HOXA3: variants seen among roughly 807,000 people sequenced by gnomAD.
HOXA3 encodes homeobox A3.
HOXA3 carries 8 observed loss-of-function variants against 30.3 expected under a neutral mutation model. The observed-to-expected ratio is 0.26, with a 90% CI of 0.15 to 0.48. The LOEUF is 0.48. Among genes scored for constraint, HOXA3 ranks in the 20% least tolerant of loss-of-function variants. The pLI is 0.99. For missense variants in HOXA3, 653 were observed against 614.4 expected, an observed-to-expected ratio of 1.06 and a Z score of -0.66; for synonymous variants, 323 against 273.1, an observed-to-expected ratio of 1.18 and a Z score of -1.80.
intron 4 of HOXA3, among the ~76,000 whole-genome samples, chr7:27,118,703 C>T (rs1784858512): frequency 6.6e-6 from 1 of 152,228 alleles, no homozygotes; most frequent in South Asian, 2.1e-4. Context: ...CAGCCTCCCA[C>T]CCACGGACAA....
At chr7:27,126,666 C>T (rs944081616) in intron 3 of HOXA3, among the ~76,000 whole-genome samples, 1 of 152,134 alleles carries the variant, frequency 6.6e-6, no homozygotes, top group African/African-American at 2.4e-5. Context: ...GTAAAACTCA[C>T]CAATACCTTA....
At chr7:27,117,929 C>T in intron 4 of HOXA3, among the ~76,000 whole-genome samples, 1 of 152,146 alleles carries the variant, frequency 6.6e-6, no homozygotes, top group East Asian at 1.9e-4. Flanking sequence ...ACCTAGGAGC[C>T]CCCCTAGTGC....
At chr7:27,144,940 G>A (rs1368483177) in intron 1 of HOXA3, among the ~76,000 whole-genome samples, 1 of 152,188 alleles carries the variant, frequency 6.6e-6, no homozygotes, top group Non-Finnish European at 1.5e-5. Context: ...TCGGAGGCTG[G>A]GAGCGGGAAT....
At chr7:27,135,215 G>A (rs1017030439) in intron 2 of HOXA3, among the ~76,000 whole-genome samples, 4 of 150,858 alleles carry the variant, frequency 2.7e-5, no homozygotes, top group African/African-American at 9.8e-5. Flanking sequence ...TCATTAAAAA[G>A]TACATTCTGA....
chr7:27,152,109 T>TGC (rs1782992288), intron 1 of HOXA3, among the ~76,000 whole-genome samples, 179 bp downstream of exon 1: 3 of 138,798 alleles, frequency 2.2e-5, no homozygotes, highest in Admixed American at 1.5e-4. Context: ...CGCGCGTGTG[T>TGC]GCCTGTGTGT....
intron 2 of HOXA3, among the ~76,000 whole-genome samples, chr7:27,139,043 G>T (rs186447906): frequency 6.6e-6 from 1 of 152,074 alleles, no homozygotes; most frequent in Non-Finnish European, 1.5e-5. Flanking sequence ...TTATCCAGGG[G>T]GCCGCCTAAG....
At chr7:27,126,765 A>G (rs895461395) in intron 3 of HOXA3, 121 bp downstream of exon 3, 2 of 152,194 alleles carry the variant, frequency 1.3e-5, no homozygotes, top group African/African-American at 4.8e-5. Flanking sequence ...TTCTGGATGG[A>G]CTTATAAGTG....
intron 1 of HOXA3, chr7:27,142,648 T>G: frequency 4.6e-6 from 1 of 215,954 alleles, no homozygotes; most frequent in Non-Finnish European, 9.0e-6. Flanking sequence ...TTAGTAACGC[T>G]GTTTCCCCAG....
chr7:27,142,800 T>C (rs908327761), intron 1 of HOXA3: 1 of 452,710 alleles, frequency 2.2e-6, no homozygotes, highest in South Asian at 5.4e-5. Context: ...GGTTTTTTGC[T>C]TCCTCCCCCT....
At chr7:27,144,491 G>A (rs1782684664) in intron 1 of HOXA3, among the ~76,000 whole-genome samples, 1 of 152,272 alleles carries the variant, frequency 6.6e-6, no homozygotes, top group East Asian at 1.9e-4. Context: ...ATTAGTTTGC[G>A]ATTTGATTTG....
intron 1 of HOXA3, chr7:27,141,832 T>C (rs746464061): frequency 5.0e-6 from 8 of 1,613,656 alleles, no homozygotes; most frequent in Non-Finnish European, 6.8e-6. Context: ...AACGCTCAGA[T>C]ACTCAGGGAC....
chr7:27,113,857 C>A lies in HOXA3; in HGVS notation c.-120-3097G>T, dbSNP rs1784520435. 6.6e-6 allele frequency: 1 copy of A among 151,310 alleles called. No individual in the cohort carries two copies. The highest frequency in any genetic ancestry group is 1.5e-5 in the Non-Finnish European group (1 of 67,478). The allele number at this position is 151,310 out of a possible 1,614,324, so 9.4% of individuals were successfully genotyped here. Reference sequence around the variant, plus strand: ...CAGGGCCGACTGGGGCGGCTTGGACCCCCCTCCCACCCACCCCACCCACCC... The same window carrying A: ...CAGGGCCGACTGGGGCGGCTTGGACACCCCTCCCACCCACCCCACCCACCC... On this transcript the variant is annotated intron_variant, in intron 4 of 5. Transcript: ENST00000612286. The surrounding 1 kb of genome is among the most constrained non-coding windows in gnomAD (Gnocchi z 4.8).
chr7:27,112,915 T>C (rs1784458301), intron 4 of HOXA3, among the ~76,000 whole-genome samples: 1 of 152,236 alleles, frequency 6.6e-6, no homozygotes, highest in South Asian at 2.1e-4. Context: ...AAAATATCTT[T>C]GAAAATCAAA....
intron 3 of HOXA3, among the ~76,000 whole-genome samples, chr7:27,125,189 G>A (rs1785229185): frequency 1.3e-5 from 2 of 152,246 alleles, no homozygotes; most frequent in Admixed American, 6.5e-5. Flanking sequence ...TCTAGAGTGA[G>A]ACTAAAGGTT....
chr7:27,148,928 G>C (rs1309467370), intron 1 of HOXA3, among the ~76,000 whole-genome samples: 1 of 152,250 alleles, frequency 6.6e-6, no homozygotes, highest in Non-Finnish European at 1.5e-5. Flanking sequence ...CTCGGTTTCC[G>C]GGGCGCCCGA....
At chr7:27,125,040 C>T (rs1180855751) in intron 3 of HOXA3, among the ~76,000 whole-genome samples, 1 of 152,184 alleles carries the variant, frequency 6.6e-6, no homozygotes, top group Non-Finnish European at 1.5e-5. Context: ...GCTTTGATGG[C>T]CCATGAGGCA....
Position 27,108,289 on chromosome 7 carries a change from C to G in HOXA3, c.958G>C (p.Ala320Pro). The G allele has an allele frequency of 6.6e-7, 1 of 1,516,562 alleles. No individual in the cohort carries two copies. Among genetic ancestry groups the G allele is most frequent in the Admixed American group, 2.1e-5 (1 of 46,572 alleles). The allele number at this position is 1,516,562 out of a possible 1,614,324, so 93.9% of individuals were successfully genotyped here. ...CGCTTCTGTGGGGGTGGCGGGGGTGCGCAGCTGGGCAGGGACGCAGGGTAG... is the reference window on the plus strand; with the variant it reads ...CGCTTCTGTGGGGGTGGCGGGGGTGGGCAGCTGGGCAGGGACGCAGGGTAG... ...ASYPASLPSC[A>P]PPPPPQKRYT... Residue 320 changes from alanine (A) to proline (P), a missense_variant, in exon 6 of 6, where the codon GCA becomes CCA. By Grantham distance (27) the Ala-to-Pro change is conservative (BLOSUM62 -1). Coordinates refer to ENST00000612286, the MANE Select transcript of HOXA3 (RefSeq NM_153631.3). The surrounding 1 kb of genome is among the most constrained non-coding windows in gnomAD (Gnocchi z 5.0).
At chr7:27,133,728 T>G (rs1488513035) in intron 2 of HOXA3, among the ~76,000 whole-genome samples, 2 of 152,218 alleles carry the variant, frequency 1.3e-5, no homozygotes, top group Admixed American at 1.3e-4. Context: ...TGAATCATTT[T>G]GAATATATTT....
At position 27,111,485 on chromosome 7, in the gene HOXA3, C is replaced by CGTGTGTGTGTGTGTGTGTGTGT. The variant is rs61655486; in HGVS notation, c.-120-747_-120-726dup. Among the ~76,000 whole-genome samples, 393 of 148,888 alleles carry CGTGTGTGTGTGTGTGTGTGTGT rather than the reference C, an allele frequency of 2.6e-3. 2 individuals are homozygous for CGTGTGTGTGTGTGTGTGTGTGT. Among genetic ancestry groups the CGTGTGTGTGTGTGTGTGTGTGT allele is most frequent in the African/African-American group, 8.2e-3 (328 of 39,842 alleles). Reference sequence around the variant, plus strand: ...GGAAAACTTTGTGTGGAACACATTGCGTGTGTGTGTGTGTGTGTGTGTGTG... The same window carrying CGTGTGTGTGTGTGTGTGTGTGT: ...GGAAAACTTTGTGTGGAACACATTGCGTGTGTGTGTGTGTGTGTGTGTGTGTGTGTGTGTGTGTGTGTGTGTG... On this transcript the variant is annotated intron_variant, in intron 4 of 5. Transcript: ENST00000612286.
Sources: allele counts gnomAD v4.1 joint callset (sites outside exome capture counted in the v4.1 genomes callset), GRCh38; gene constraint gnomAD v4.1.1; non-coding constraint Gnocchi (gnomAD v3.1); transcripts MANE v1.5; gene names NCBI Gene and HGNC (gene_info 2026-07-23, HGNC 2026-07-21).